Variants in KCNH8 observed in about 807,000 individuals in gnomAD.
KCNH8 encodes voltage-gated delayed rectifier potassium channel KCNH8.
In KCNH8, 70 loss-of-function variants were observed where a neutral mutation model predicts 103.6. The observed-to-expected ratio is 0.68, with a 90% CI of 0.56 to 0.82. The LOEUF is 0.82. Ranked by LOEUF, KCNH8 falls within the 40% of genes least tolerant of loss-of-function variation. The pLI, the probability that KCNH8 is intolerant of heterozygous loss-of-function variation, is 0.00. For missense variants in KCNH8, 1,217 were observed against 1,329.9 expected, an observed-to-expected ratio of 0.92 and a Z score of 1.32; for synonymous variants, 498 against 489.4, an observed-to-expected ratio of 1.02 and a Z score of -0.23.
In KCNH8 at chr3:19,533,542, C is replaced by A. The variant is rs1199795496; in HGVS notation, c.2767C>A (p.Gln923Lys). Reference protein sequence around the residue: ...TSVCPSRESLQTRTSWSAHQP... With the variant: ...TSVCPSRESLKTRTSWSAHQP... ...TGTGTGTCCCTCCAGGGAGAGCTTA[C>A]AGACCAGAACGAGCTGGAGTGCACA... Residue 923 changes from glutamine (Q) to lysine (K), a missense_variant, in exon 16 of 16, where the codon CAG (glutamine) becomes AAG (lysine). Physicochemically the swap from Gln to Lys is moderately conservative, Grantham distance 53. Coordinates refer to ENST00000328405, the MANE Select transcript of KCNH8 (RefSeq NM_144633.3). The A allele has an allele frequency of 6.2e-7, 1 of 1,614,210 alleles. No individual in the cohort carries two copies. Among genetic ancestry groups the A allele is most frequent in the South Asian group, 1.1e-5 (1 of 91,086 alleles).
intron 1 of KCNH8, among the ~76,000 whole-genome samples, chr3:19,153,286 T>G (rs2063148080): frequency 6.6e-6 from 1 of 152,204 alleles, no homozygotes; most frequent in Non-Finnish European, 1.5e-5. Flanking sequence ...TGCACAGTCT[T>G]AAAAGCTAAC....
chr3:19,244,586 A>G (rs2125247148), intron 1 of KCNH8, among the ~76,000 whole-genome samples: 1 of 152,348 alleles, frequency 6.6e-6, no homozygotes, highest in Non-Finnish European at 1.5e-5. Context: ...ATTCCAACCA[A>G]CAATGTATAA....
At chr3:19,283,013 G>C (rs2064777726) in intron 3 of KCNH8, among the ~76,000 whole-genome samples, 1 of 152,112 alleles carries the variant, frequency 6.6e-6, no homozygotes, top group Non-Finnish European at 1.5e-5. Context: ...GTAACTTAAT[G>C]TCTGGAGAAC....
chr3:19,533,696 G>T lies in KCNH8; in HGVS notation c.2921G>T (p.Gly974Val). ...GTGGGGAGCAGCCCCCAACGAACTG[G>T]AGCTCATGAGCAAAATCCTGCAGAC... is the stretch of plus-strand genomic sequence containing the variant. ...SSVGSSPQRT[G>V]AHEQNPADSE... Residue 974 changes from glycine to valine, a missense_variant, in exon 16 of 16, where the codon GGA (glycine) becomes GTA (valine). By Grantham distance (109) the Gly-to-Val change is moderately radical. This residue lies in a region of KCNH8 where 558 missense variants were observed against 495.8 expected (regional missense o/e 1.13). Coordinates refer to ENST00000328405, the MANE Select transcript of KCNH8 (RefSeq NM_144633.3). The T allele has an allele frequency of 2.5e-6, 4 of 1,614,124 alleles. No individual in the cohort carries two copies. The highest frequency in any genetic ancestry group is 3.4e-6 in the Non-Finnish European group (4 of 1,180,010).
chr3:19,423,468 T>C (rs947435508), intron 7 of KCNH8, among the ~76,000 whole-genome samples: 1 of 152,032 alleles, frequency 6.6e-6, no homozygotes, highest in Non-Finnish European at 1.5e-5. Context: ...ATTATATCAT[T>C]CTTATGCCTT....
intron 3 of KCNH8, among the ~76,000 whole-genome samples, chr3:19,326,835 G>A (rs530448826): frequency 6.6e-6 from 1 of 152,268 alleles, no homozygotes; most frequent in East Asian, 1.9e-4. Context: ...TTATGATTCT[G>A]TGGGTTAGCT....
intron 11 of KCNH8, among the ~76,000 whole-genome samples, chr3:19,500,709 A>C (rs1002737647): frequency 1.2e-4 from 19 of 152,226 alleles, no homozygotes; most frequent in Non-Finnish European, 1.8e-4. Flanking sequence ...GAAGACACAA[A>C]TAAAGATGTT....
intron 9 of KCNH8, chr3:19,450,514 T>C (rs1463928979): frequency 7.8e-5 from 44 of 566,764 alleles, no homozygotes; most frequent in Non-Finnish European, 6.3e-6. Context: ...CGAAGTTTTA[T>C]ATTAACTTGC....
At chr3:19,433,791 GAT>G (rs2067156624) in intron 7 of KCNH8, among the ~76,000 whole-genome samples, 1 of 152,166 alleles carries the variant, frequency 6.6e-6, no homozygotes, top group Non-Finnish European at 1.5e-5. Flanking sequence ...TAAATTTACT[GAT>G]GCCTTCTGAG....
intron 1 of KCNH8, among the ~76,000 whole-genome samples, chr3:19,153,129 G>A (rs1478702881): frequency 6.6e-6 from 1 of 151,998 alleles, no homozygotes; most frequent in African/African-American, 2.4e-5. Flanking sequence ...GATGAATTCT[G>A]TGCCCTCTAA....
At chr3:19,355,397 G>T (rs1008045890) in intron 5 of KCNH8, among the ~76,000 whole-genome samples, 1 of 152,118 alleles carries the variant, frequency 6.6e-6, no homozygotes, top group Non-Finnish European at 1.5e-5. Context: ...ATAACCAAAG[G>T]ATTATAAATC....
At chr3:19,150,479 T>G (rs1456491532) in intron 1 of KCNH8, among the ~76,000 whole-genome samples, 1 of 152,138 alleles carries the variant, frequency 6.6e-6, no homozygotes, top group Non-Finnish European at 1.5e-5. Context: ...TTGAATGAAG[T>G]GTAATGTGTA....
intron 3 of KCNH8, among the ~76,000 whole-genome samples, chr3:19,338,827 C>A (rs929005517): frequency 3.3e-5 from 5 of 152,042 alleles, no homozygotes; most frequent in African/African-American, 1.2e-4. Flanking sequence ...AATAGGAAGA[C>A]ACTGTTTCAT....
intron 11 of KCNH8, 34 bp from the exon 12 acceptor site, chr3:19,510,329 G>A (rs2068762183): frequency 1.5e-6 from 2 of 1,373,600 alleles, no homozygotes; most frequent in Non-Finnish European, 2.1e-6. Flanking sequence ...ACCAGGATAT[G>A]TAAAATGATT....
At chr3:19,305,447 C>G (rs2065118070) in intron 3 of KCNH8, among the ~76,000 whole-genome samples, 1 of 152,080 alleles carries the variant, frequency 6.6e-6, no homozygotes, top group African/African-American at 2.4e-5. Context: ...CTATATGGTA[C>G]TGCTGGAATG....
chr3:19,381,472 G>A (rs953510360), intron 5 of KCNH8, among the ~76,000 whole-genome samples: 1 of 151,990 alleles, frequency 6.6e-6, no homozygotes, highest in Non-Finnish European at 1.5e-5. Flanking sequence ...ATGACCTTGG[G>A]GTAGGCAGAA....
Position 19,148,780 on chromosome 3 carries a change from C to G in KCNH8, c.61C>G (p.Arg21Gly), listed in dbSNP as rs772249617. ...CACCTTCCTGGACACCATCGCCACC[C>G]GTTTTGACGGAACACGTAAGTCTTA... ...QNTFLDTIAT[R>G]FDGTHSNFIL... Residue 21 changes from arginine to glycine, a missense_variant, in exon 1 of 16, where the codon CGT becomes GGT. Arg to Gly is a moderately radical substitution (Grantham distance 125). Transcript: ENST00000328405. 7 of 1,614,032 alleles carry G rather than the reference C, an allele frequency of 4.3e-6. No individual in the cohort carries two copies. Among genetic ancestry groups the G allele is most frequent in the East Asian group, 2.2e-5 (1 of 44,868 alleles).
intron 3 of KCNH8, among the ~76,000 whole-genome samples, chr3:19,330,412 A>G (rs2065489878): frequency 6.6e-6 from 1 of 152,226 alleles, no homozygotes; most frequent in Non-Finnish European, 1.5e-5. Flanking sequence ...AATTGTTCAT[A>G]TGAGCTTGAT....
chr3:19,452,138 G>A (rs557408880), intron 10 of KCNH8, among the ~76,000 whole-genome samples: 10 of 152,174 alleles, frequency 6.6e-5, no homozygotes, highest in East Asian at 1.9e-4. Context: ...TAATCCTAGC[G>A]CTTTTGCAGA....
Sources: gnomAD v4.1 joint callset for allele counts (sites outside exome capture counted in the v4.1 genomes callset) on GRCh38, gnomAD v4.1.1 for gene constraint, gnomAD v4.1.1 regional missense constraint, MANE v1.5 for transcripts, NCBI Gene and HGNC (gene_info 2026-07-23, HGNC 2026-07-21) for gene names.